The following SLC4A5 variants were observed in gnomAD, a reference collection of about 807,000 sequenced individuals.
SLC4A5 encodes the protein electrogenic sodium bicarbonate cotransporter 4.
A neutral mutation model predicts 120.4 loss-of-function variants in SLC4A5; 96 were observed. The ratio of observed to expected loss-of-function variants is 0.80; its 90% confidence interval spans 0.68 to 0.94. The LOEUF (loss-of-function observed/expected upper bound fraction) is 0.94, where lower values mean the gene tolerates loss of function less well. SLC4A5 is among the 40% of genes least tolerant of loss of function. SLC4A5 has a pLI of 0.00. For missense variants in SLC4A5, 1,259 were observed against 1,459.5 expected, an observed-to-expected ratio of 0.86 and a Z score of 2.24; for synonymous variants, 550 against 571.1, an observed-to-expected ratio of 0.96 and a Z score of 0.53.
intron 8 of SLC4A5, among the ~76,000 whole-genome samples, chr2:74,279,966 C>T (rs1356912813): frequency 6.6e-6 from 1 of 152,188 alleles, no homozygotes; most frequent in African/African-American, 2.4e-5. Context: ...CTTAACTAGC[C>T]AAGTCTTGCC....
intron 29 of SLC4A5, among the ~76,000 whole-genome samples, chr2:74,221,870 C>T (rs1322088674): frequency 6.6e-6 from 1 of 152,140 alleles, no homozygotes; most frequent in Admixed American, 6.5e-5. Context: ...AAGCACGGGG[C>T]TCGGGACTAA....
intron 20 of SLC4A5, among the ~76,000 whole-genome samples, chr2:74,240,589 T>G (rs1187514803): frequency 6.6e-6 from 1 of 152,016 alleles, no homozygotes; most frequent in East Asian, 1.9e-4. Flanking sequence ...GGCAACATAG[T>G]GAGACCTTGT....
intron 9 of SLC4A5, 142 bp downstream of exon 9, chr2:74,264,962 C>T (rs1258312294): frequency 3.3e-6 from 3 of 908,756 alleles, no homozygotes; most frequent in Non-Finnish European, 4.9e-6. Context: ...GCCCTGGGAG[C>T]AACAGAGTCA....
intron 5 of SLC4A5, among the ~76,000 whole-genome samples, chr2:74,323,031 G>T (rs915282554): frequency 6.6e-6 from 1 of 152,136 alleles, no homozygotes; most frequent in African/African-American, 2.4e-5. Flanking sequence ...CTGAGGTCAG[G>T]AGTTCAAGAC....
chr2:74,326,722 G>A (rs1480668953), intron 5 of SLC4A5, among the ~76,000 whole-genome samples: 1 of 152,146 alleles, frequency 6.6e-6, no homozygotes, highest in African/African-American at 2.4e-5. Flanking sequence ...GGGAGGCTGA[G>A]GCACAGCAAT....
At chr2:74,251,557 G>C (rs983823474) in intron 16 of SLC4A5, among the ~76,000 whole-genome samples, 1 of 152,244 alleles carries the variant, frequency 6.6e-6, no homozygotes, top group Admixed American at 6.5e-5. Context: ...ATATATTAAG[G>C]TCCTAACATC....
chr2:74,339,680 A>G (rs1244040523), intron 2 of SLC4A5: 1 of 152,244 alleles, frequency 6.6e-6, no homozygotes, highest in East Asian at 1.9e-4. Context: ...ACAATTAAGT[A>G]AATTCCACTT....
At chr2:74,254,590 A>C in intron 14 of SLC4A5, 29 bp downstream of exon 14, 1 of 1,569,402 alleles carries the variant, frequency 6.4e-7, no homozygotes, top group Non-Finnish European at 8.8e-7. Flanking sequence ...TGTAAAATTC[A>C]GGAGTACAAG....
At chr2:74,295,162 G>A (rs1266257096) in intron 7 of SLC4A5, among the ~76,000 whole-genome samples, 6 of 151,740 alleles carry the variant, frequency 4.0e-5, no homozygotes, top group Non-Finnish European at 8.8e-5. Flanking sequence ...CTGAGGAGAG[G>A]GGGCTCAGAA....
chr2:74,228,278 G>A (rs1157689665), intron 25 of SLC4A5, among the ~76,000 whole-genome samples: 2 of 152,212 alleles, frequency 1.3e-5, no homozygotes, highest in Non-Finnish European at 2.9e-5. Flanking sequence ...CAGGGGCATG[G>A]GGACTTTTAA....
intron 24 of SLC4A5, among the ~76,000 whole-genome samples, chr2:74,232,183 G>A (rs1031194978): frequency 2.0e-5 from 3 of 152,178 alleles, no homozygotes; most frequent in Non-Finnish European, 4.4e-5. Flanking sequence ...AAGCCTTGTG[G>A]GGACCTTGGG....
intron 25 of SLC4A5, 38 bp from the exon 26 acceptor site, chr2:74,227,916 G>A (rs1694908632): frequency 6.5e-7 from 1 of 1,535,406 alleles, no homozygotes; most frequent in African/African-American, 1.4e-5. Flanking sequence ...GCCTCTGCCT[G>A]GGGCGGCCCT....
chr2:74,295,726 C>G (rs1341870544), intron 7 of SLC4A5, among the ~76,000 whole-genome samples: 1 of 152,182 alleles, frequency 6.6e-6, no homozygotes, highest in Non-Finnish European at 1.5e-5. Flanking sequence ...GAACCTTCAA[C>G]AAAGCCTGCT....
intron 5 of SLC4A5, among the ~76,000 whole-genome samples, chr2:74,320,214 A>G (rs1357483009): frequency 6.6e-6 from 1 of 152,158 alleles, no homozygotes; most frequent in African/African-American, 2.4e-5. Flanking sequence ...AGATAAAAAA[A>G]TAGTGGAGAG....
chr2:74,232,371 C>CT (rs1670118013), intron 24 of SLC4A5, 98 bp downstream of exon 24: 3 of 1,440,212 alleles, frequency 2.1e-6, no homozygotes, highest in Non-Finnish European at 2.8e-6. Context: ...AGCGGGGGCC[C>CT]TTTTTGTCCA....
chr2:74,222,769 A>C, intron 29 of SLC4A5, 99 bp downstream of exon 29: 1 of 1,131,060 alleles, frequency 8.8e-7, no homozygotes, highest in Non-Finnish European at 1.3e-6. Flanking sequence ...TCTAGCATCC[A>C]AAATGATTAG....
At chr2:74,254,909 T>C (rs1233532459) in intron 13 of SLC4A5, among the ~76,000 whole-genome samples, 1 of 150,808 alleles carries the variant, frequency 6.6e-6, no homozygotes, top group African/African-American at 2.4e-5. Flanking sequence ...AACCTCCACC[T>C]CCTAGGCTCA....
intron 6 of SLC4A5, among the ~76,000 whole-genome samples, chr2:74,305,442 T>A (rs10182348): frequency 1.3e-5 from 2 of 152,024 alleles, no homozygotes; most frequent in Non-Finnish European, 2.9e-5. Context: ...TCGACCCTAA[T>A]CCTACCTCTG....
At chr2:74,269,238 C>T (rs1671396031) in intron 8 of SLC4A5, among the ~76,000 whole-genome samples, 2 of 151,912 alleles carry the variant, frequency 1.3e-5, no homozygotes, top group African/African-American at 4.8e-5. Context: ...CGGAGTTTCA[C>T]TCTCATCGCC....
Sources: gnomAD v4.1 joint callset for allele counts (sites outside exome capture counted in the v4.1 genomes callset) on GRCh38, gnomAD v4.1.1 for gene constraint, MANE v1.5 for transcripts, NCBI Gene and HGNC (gene_info 2026-07-23, HGNC 2026-07-21) for gene names.